Variants in CADM2 observed in about 807,000 individuals in gnomAD.
The protein encoded by CADM2 is immunoglobulin superfamily member 4D.
A neutral mutation model predicts 49.8 loss-of-function variants in CADM2; 12 were observed. The ratio of observed to expected loss-of-function variants is 0.24; its 90% CI spans 0.15 to 0.39. The LOEUF is 0.39. CADM2 is among the 10% of genes least tolerant of loss of function. CADM2 has a pLI of 1.00. For missense variants in CADM2, 378 were observed against 492.3 expected, an observed-to-expected ratio of 0.77 and a Z score of 2.20; for synonymous variants, 214 against 175.4, an observed-to-expected ratio of 1.22 and a Z score of -1.74.
rs936532633 is a variant in CADM2, at chr3:85,078,538, C to T, written c.61+118870C>T. 4.3e-4 allele frequency among the ~76,000 whole-genome samples: 65 copies of T among 151,800 alleles called. 1 individual carries two copies. The highest frequency in any genetic ancestry group is 1.5e-4 in the Non-Finnish European group (10 of 67,798). ...ATTACATCATCAATGTAAACTTTTA[C>T]AAAAATCATTGAAATAAAGACATTC... On this transcript the variant is annotated intron_variant, in intron 1 of 9. Coordinates refer to ENST00000383699, the MANE Select transcript of CADM2 (RefSeq NM_001167675.2).
chr3:85,859,487 G>T (rs184632482), intron 3 of CADM2, among the ~76,000 whole-genome samples: 94 of 152,016 alleles, frequency 6.2e-4, no homozygotes, highest in African/African-American at 2.3e-3. Flanking sequence ...CTGTCTTGGC[G>T]TCCCAAAGTG....
At chr3:85,554,215 T>G (rs1192994516) in intron 1 of CADM2, among the ~76,000 whole-genome samples, 1 of 152,016 alleles carries the variant, frequency 6.6e-6, no homozygotes, top group Non-Finnish European at 1.5e-5. Flanking sequence ...TCGTAAGGAG[T>G]ATGCAGCTTT....
At chr3:86,038,015 T>C (rs1420928632) in intron 8 of CADM2, among the ~76,000 whole-genome samples, 1 of 152,102 alleles carries the variant, frequency 6.6e-6, no homozygotes, top group East Asian at 1.9e-4. Context: ...AGCTGTGGTG[T>C]GTGATGTTCC....
At chr3:85,014,441 A>G (rs1161390878) in intron 1 of CADM2, among the ~76,000 whole-genome samples, 1 of 147,830 alleles carries the variant, frequency 6.8e-6, no homozygotes, top group Non-Finnish European at 1.5e-5. Flanking sequence ...AAAAAAACAT[A>G]GTGTGCATAG....
intron 6 of CADM2, among the ~76,000 whole-genome samples, chr3:85,918,488 A>G (rs1202317978): frequency 1.3e-5 from 2 of 152,100 alleles, no homozygotes; most frequent in Admixed American, 1.3e-4. Context: ...CCAGCCTTGC[A>G]TCTCAGGGAT....
intron 1 of CADM2, among the ~76,000 whole-genome samples, chr3:85,283,951 G>T (rs1053724207): frequency 2.6e-5 from 4 of 152,138 alleles, no homozygotes; most frequent in Non-Finnish European, 1.5e-5. Context: ...AACTTTTGAA[G>T]CAGGGACAAT....
intron 1 of CADM2, among the ~76,000 whole-genome samples, chr3:85,576,499 G>T (rs1489274333): frequency 6.6e-6 from 1 of 152,114 alleles, no homozygotes; most frequent in Non-Finnish European, 1.5e-5. Context: ...CCTTAAAAAT[G>T]TTGAGATTCC....
At chr3:85,626,350 T>C (rs556317791) in intron 1 of CADM2, among the ~76,000 whole-genome samples, 13 of 152,064 alleles carry the variant, frequency 8.5e-5, no homozygotes, top group African/African-American at 2.9e-4. Flanking sequence ...GTATTGAAAA[T>C]GTTGAATTAA....
intron 1 of CADM2, among the ~76,000 whole-genome samples, chr3:85,053,732 T>G (rs1391315725): frequency 6.6e-6 from 1 of 151,958 alleles, no homozygotes; most frequent in Admixed American, 6.6e-5. Context: ...ATTCAGATGC[T>G]GGCTTAAACT....
intron 1 of CADM2, among the ~76,000 whole-genome samples, chr3:85,281,861 T>C (rs1250954082): frequency 6.6e-6 from 1 of 152,072 alleles, no homozygotes; most frequent in African/African-American, 2.4e-5. Context: ...TATCAGACTG[T>C]GAAACTAAGG....
intron 1 of CADM2, among the ~76,000 whole-genome samples, chr3:85,553,167 AC>A (rs1416895162): frequency 6.6e-6 from 1 of 152,188 alleles, no homozygotes; most frequent in Non-Finnish European, 1.5e-5. Flanking sequence ...GAAAAACAAA[AC>A]AAAATATAAT....
chr3:85,966,224 A>G (rs1417050346), intron 8 of CADM2, among the ~76,000 whole-genome samples: 1 of 151,714 alleles, frequency 6.6e-6, no homozygotes, highest in African/African-American at 2.4e-5. Flanking sequence ...CAATAGCTAT[A>G]CTATCAATGG....
intron 1 of CADM2, among the ~76,000 whole-genome samples, chr3:85,228,303 C>T (rs747647432): frequency 2.6e-5 from 4 of 152,028 alleles, no homozygotes; most frequent in African/African-American, 9.7e-5. Context: ...TCCTGTATTT[C>T]GTGGAAGCTT....
chr3:85,524,346 C>G (rs936574722), intron 1 of CADM2, among the ~76,000 whole-genome samples: 30 of 152,138 alleles, frequency 2.0e-4, no homozygotes, highest in African/African-American at 6.5e-4. Context: ...CGAATGTACT[C>G]AGTGCTATAA....
intron 1 of CADM2, among the ~76,000 whole-genome samples, chr3:85,193,850 C>T (rs765368788): frequency 6.6e-6 from 1 of 152,050 alleles, no homozygotes; most frequent in Non-Finnish European, 1.5e-5. Context: ...GAACTGAAAA[C>T]CTAAAACATG....
At chr3:86,019,854 A>C (rs2107019519) in intron 8 of CADM2, among the ~76,000 whole-genome samples, 1 of 152,244 alleles carries the variant, frequency 6.6e-6, no homozygotes, top group South Asian at 2.1e-4. Flanking sequence ...TCTTCTCCTA[A>C]TTGAATACCC....
intron 1 of CADM2, among the ~76,000 whole-genome samples, chr3:85,692,893 C>T (rs1028655075): frequency 2.0e-5 from 3 of 152,130 alleles, no homozygotes; most frequent in African/African-American, 7.2e-5. Context: ...CAAATTTCTT[C>T]TCCCACATAC....
intron 1 of CADM2, among the ~76,000 whole-genome samples, chr3:85,082,393 G>A (rs1045399176): frequency 2.0e-5 from 3 of 152,074 alleles, no homozygotes; most frequent in African/African-American, 7.2e-5. Context: ...AATGCACAGG[G>A]CATATTATTT....
intron 8 of CADM2, among the ~76,000 whole-genome samples, chr3:86,062,273 T>G (rs1280654725): frequency 6.6e-6 from 1 of 152,186 alleles, no homozygotes; most frequent in African/African-American, 2.4e-5. Context: ...AAAGGATATT[T>G]CAAGTAATAC....
Sources: allele counts gnomAD v4.1 joint callset (sites outside exome capture counted in the v4.1 genomes callset), GRCh38; gene constraint gnomAD v4.1.1; transcripts MANE v1.5; gene names NCBI Gene and HGNC (gene_info 2026-07-23, HGNC 2026-07-21).